The following PALLD variants were observed in gnomAD, a reference collection of about 807,000 sequenced individuals.
PALLD encodes the protein palladin, cytoskeletal associated protein.
Under a neutral mutation model 123.5 loss-of-function variants are expected in PALLD, and 61 were observed. The ratio of observed to expected loss-of-function variants is 0.49; its 90% CI spans 0.40 to 0.61. PALLD has a LOEUF of 0.61. PALLD is among the 20% of genes least tolerant of loss of function. The pLI is 0.00. For synonymous variants in PALLD, 465 were observed against 496.4 expected (o/e 0.94, Z 0.84); for missense variants, 1,273 against 1,377.0 (o/e 0.92, Z 1.20).
At chr4:168,810,751 T>A (rs1210006812) in intron 10 of PALLD, among the ~76,000 whole-genome samples, 1 of 147,394 alleles carries the variant, frequency 6.8e-6, no homozygotes, top group Non-Finnish European at 1.5e-5. Context: ...GAGCTTGCAG[T>A]GAGCCGAGAT....
At chr4:168,805,912 C>T (rs957781984) in intron 10 of PALLD, among the ~76,000 whole-genome samples, 1 of 152,076 alleles carries the variant, frequency 6.6e-6, no homozygotes, top group African/African-American at 2.4e-5. Context: ...TTGTATAGTC[C>T]TTTGATGATG....
In PALLD at chr4:168,672,510, G is replaced by A. The variant is rs369065016; in HGVS notation, c.1087+4142G>A. Among the ~76,000 whole-genome samples, 526 of 151,618 alleles carry A rather than the reference G, an allele frequency of 3.5e-3. 3 individuals are homozygous for A. Among genetic ancestry groups the A allele is most frequent in the African/African-American group, 0.011 (472 of 41,340 alleles). On this transcript the variant is annotated intron_variant, in intron 3 of 21. Coordinates refer to ENST00000505667, the MANE Select transcript of PALLD (RefSeq NM_001166108.2). ...GTCTCGCTCTGTCACCCAGGCTGGA[G>A]TGCAGTGGCGCGATCTTGGCTCACT...
chr4:168,686,719 G>A (rs1021594082), intron 6 of PALLD: 1 of 152,162 alleles, frequency 6.6e-6, no homozygotes, highest in Admixed American at 6.5e-5. Flanking sequence ...GCAAGCACAG[G>A]TTCCTGGTTT....
At chr4:168,864,383 C>T (rs771142753) in intron 10 of PALLD, 4 of 152,202 alleles carry the variant, frequency 2.6e-5, no homozygotes, top group Non-Finnish European at 4.4e-5. Flanking sequence ...TTGGTGTCAT[C>T]ACTTGAGAGG....
chr4:168,878,337 CGCA>C (rs1331300432), intron 10 of PALLD: 2 of 1,521,512 alleles, frequency 1.3e-6, no homozygotes, highest in Non-Finnish European at 1.8e-6. Flanking sequence ...CTGCTGCCCT[CGCA>C]GCCGCCGCCG....
chr4:168,550,958 T>TA (rs1163342729), intron 2 of PALLD, among the ~76,000 whole-genome samples: 36 of 152,228 alleles, frequency 2.4e-4, no homozygotes, highest in African/African-American at 8.4e-4. Flanking sequence ...TGCCAACACT[T>TA]ACGTAGCTTC....
At chr4:168,624,986 T>C (rs1341670435) in intron 2 of PALLD, among the ~76,000 whole-genome samples, 2 of 152,120 alleles carry the variant, frequency 1.3e-5, no homozygotes, top group Admixed American at 1.3e-4. Flanking sequence ...ACTTTCTCTA[T>C]GTTAATTATT....
chr4:168,580,239 G>GGTGTGTGT (rs59142111), intron 2 of PALLD, among the ~76,000 whole-genome samples: 15 of 147,484 alleles, frequency 1.0e-4, no homozygotes, highest in African/African-American at 3.2e-4. Context: ...ATTTCACTGT[G>GGTGTGTGT]GTGTGTGTGT....
At chr4:168,796,773 C>T (rs1738571794) in intron 10 of PALLD, among the ~76,000 whole-genome samples, 1 of 152,136 alleles carries the variant, frequency 6.6e-6, no homozygotes, top group Non-Finnish European at 1.5e-5. Flanking sequence ...GCAGTTTGAT[C>T]AAATTGAGGG....
chr4:168,832,023 G>A (rs1744286922), intron 10 of PALLD: 2 of 985,332 alleles, frequency 2.0e-6, no homozygotes, highest in Non-Finnish European at 2.4e-6. Flanking sequence ...AAGGGCGGCG[G>A]GTGAAGGCTC....
At chr4:168,513,041 G>A (rs563928330) in intron 2 of PALLD, among the ~76,000 whole-genome samples, 48 of 150,118 alleles carry the variant, frequency 3.2e-4, no homozygotes, top group Non-Finnish European at 6.7e-4. Context: ...ACCTGCACAC[G>A]TATCCCCGAA....
chr4:168,675,520 A>G (rs956305069), intron 3 of PALLD, among the ~76,000 whole-genome samples: 1 of 152,180 alleles, frequency 6.6e-6, no homozygotes, highest in African/African-American at 2.4e-5. Flanking sequence ...TTTTGGAGAA[A>G]AGCTAAACCA....
At chr4:168,773,083 T>C (rs1734671106) in intron 10 of PALLD, among the ~76,000 whole-genome samples, 1 of 152,180 alleles carries the variant, frequency 6.6e-6, no homozygotes, top group Admixed American at 6.5e-5. Flanking sequence ...CTCAAGAGTT[T>C]AGAGTAGGAG....
At chr4:168,840,418 T>G (rs1745876705) in intron 10 of PALLD, among the ~76,000 whole-genome samples, 1 of 152,206 alleles carries the variant, frequency 6.6e-6, no homozygotes, top group Non-Finnish European at 1.5e-5. Context: ...TCCAAGTTCA[T>G]GATTCCTTGG....
At chr4:168,521,238 A>G (rs974097947) in intron 2 of PALLD, among the ~76,000 whole-genome samples, 1 of 152,166 alleles carries the variant, frequency 6.6e-6, no homozygotes, top group Middle Eastern at 3.2e-3. Flanking sequence ...TAATCCCTTT[A>G]GAATTAAAAG....
At chr4:168,640,639 C>T (rs935945266) in intron 2 of PALLD, among the ~76,000 whole-genome samples, 3 of 152,170 alleles carry the variant, frequency 2.0e-5, no homozygotes, top group Non-Finnish European at 2.9e-5. Flanking sequence ...TGGGAGTCTC[C>T]AAGATTTTCC....
chr4:168,860,367 C>G (rs1384206009), intron 10 of PALLD, among the ~76,000 whole-genome samples: 2 of 152,050 alleles, frequency 1.3e-5, no homozygotes, highest in Non-Finnish European at 2.9e-5. Context: ...GGCAGAAAGT[C>G]TAAAAAGAAA....
At chr4:168,510,662 T>C (rs1164393384) in intron 1 of PALLD, among the ~76,000 whole-genome samples, 1 of 152,230 alleles carries the variant, frequency 6.6e-6, no homozygotes, top group Non-Finnish European at 1.5e-5. Flanking sequence ...AAAATAATAA[T>C]AGTTTTAACA....
In PALLD at chr4:168,704,036, T is replaced by C. The variant is rs1441834037; in HGVS notation, c.1502-4992T>C. ...CATGGTATTGGTACCAAAACAGATA[T>C]ATGGATCAATGGAACAGAACAGAGC... On this transcript the variant is annotated intron_variant, in intron 8 of 21. Coordinates refer to ENST00000505667, the MANE Select transcript of PALLD (RefSeq NM_001166108.2). Among the ~76,000 whole-genome samples, 4 of 152,186 alleles carry C rather than the reference T, an allele frequency of 2.6e-5. No individual in the cohort carries two copies. In the East Asian group the frequency reaches 5.8e-4, roughly 22 times the overall value.
Sources: allele counts gnomAD v4.1 joint callset (sites outside exome capture counted in the v4.1 genomes callset), GRCh38; gene constraint gnomAD v4.1.1; transcripts MANE v1.5; gene names NCBI Gene and HGNC (gene_info 2026-07-23, HGNC 2026-07-21).